HRH1: variants seen among roughly 807,000 people sequenced by gnomAD.
The protein encoded by HRH1 is histamine receptor H1.
Under a neutral mutation model 10.3 loss-of-function variants are expected in HRH1, and 6 were observed. The ratio of observed to expected loss-of-function variants is 0.58; its 90% CI spans 0.32 to 1.15. The LOEUF is 1.15. Among genes scored for constraint, HRH1 ranks in the 50% most tolerant of loss-of-function variants. HRH1 has a pLI of 0.05. For missense variants in HRH1, 514 were observed against 615.3 expected (o/e 0.84, Z 1.74); for synonymous variants, 242 against 236.7 (o/e 1.02, Z -0.21).
chr3:11,215,721 G>A (rs1416215788), intron 1 of HRH1, among the ~76,000 whole-genome samples: 5 of 152,192 alleles, frequency 3.3e-5, no homozygotes, highest in South Asian at 2.1e-4. Context: ...GATTACAGGC[G>A]TGAGCCACCG....
intron 1 of HRH1, among the ~76,000 whole-genome samples, chr3:11,186,130 A>C (rs1403087030): frequency 6.6e-6 from 1 of 152,026 alleles, no homozygotes; most frequent in Non-Finnish European, 1.5e-5. Flanking sequence ...AAGCCCTTTC[A>C]ATGCTGGGCT....
chr3:11,152,950 G>A (rs1559253501), upstream of HRH1, among the ~76,000 whole-genome samples: 1 of 152,004 alleles, frequency 6.6e-6, no homozygotes, highest in Non-Finnish European at 1.5e-5. Context: ...TTATCTCAAG[G>A]CCAAAGTCTC....
intron 1 of HRH1, among the ~76,000 whole-genome samples, chr3:11,191,911 G>A (rs1041370813): frequency 7.9e-5 from 12 of 152,228 alleles, no homozygotes; most frequent in African/African-American, 2.9e-4. Flanking sequence ...TATGGGGCTG[G>A]CATGGCCCCT....
At chr3:11,162,425 G>A (rs952756465) in intron 1 of HRH1, among the ~76,000 whole-genome samples, 1 of 149,544 alleles carries the variant, frequency 6.7e-6, no homozygotes, top group Non-Finnish European at 1.5e-5. Context: ...GGACCAGCAG[G>A]GTATGGGAGA....
chr3:11,213,065 A>G (rs1187880443), intron 1 of HRH1, among the ~76,000 whole-genome samples: 5 of 152,136 alleles, frequency 3.3e-5, no homozygotes, highest in African/African-American at 1.2e-4. Context: ...TAAACAGCAG[A>G]CCCACTTCAG....
At chr3:11,203,592 G>GC (rs1938011390) in intron 1 of HRH1, among the ~76,000 whole-genome samples, 1 of 152,152 alleles carries the variant, frequency 6.6e-6, no homozygotes, top group African/African-American at 2.4e-5. Flanking sequence ...AGTTGTTCCA[G>GC]CACCATTTGC....
intron 1 of HRH1, among the ~76,000 whole-genome samples, chr3:11,149,095 A>G (rs979190218): frequency 6.6e-6 from 1 of 152,162 alleles, no homozygotes; most frequent in African/African-American, 2.4e-5. Context: ...GGCCTCCGCA[A>G]ATTGTTCAAC....
At chr3:11,223,409 G>A (rs1472253798) in intron 1 of HRH1, among the ~76,000 whole-genome samples, 1 of 152,022 alleles carries the variant, frequency 6.6e-6, no homozygotes, top group African/African-American at 2.4e-5. Context: ...TGAGGCAGGA[G>A]CATGGTGTGA....
intron 1 of HRH1, among the ~76,000 whole-genome samples, chr3:11,216,533 T>C (rs1331750567): frequency 6.6e-6 from 1 of 152,172 alleles, no homozygotes; most frequent in Non-Finnish European, 1.5e-5. Flanking sequence ...AAAGGGCACG[T>C]AGTATATGAA....
chr3:11,242,555 A>G (rs1559283246), intron 1 of HRH1, among the ~76,000 whole-genome samples: 2 of 148,946 alleles, frequency 1.3e-5, no homozygotes. Context: ...TCTTGAAGTC[A>G]GCGACACCAG....
chr3:11,219,635 C>A (rs888940281), intron 1 of HRH1, among the ~76,000 whole-genome samples: 35 of 147,976 alleles, frequency 2.4e-4, no homozygotes, highest in African/African-American at 8.1e-4. Flanking sequence ...ATCGCTTGGA[C>A]CCGGGAGGTG....
At chr3:11,147,996 A>T (rs1023648029) in intron 1 of HRH1, among the ~76,000 whole-genome samples, 1 of 152,160 alleles carries the variant, frequency 6.6e-6, no homozygotes, top group African/African-American at 2.4e-5. Flanking sequence ...CCTGGCCAAC[A>T]TGGTGAAACT....
intron 1 of HRH1, among the ~76,000 whole-genome samples, chr3:11,241,378 A>C (rs1332466007): frequency 6.6e-6 from 1 of 152,234 alleles, no homozygotes; most frequent in African/African-American, 2.4e-5. Context: ...TCTATTCTGT[A>C]GCCACTGAGA....
intron 1 of HRH1, among the ~76,000 whole-genome samples, chr3:11,173,005 G>A (rs997264317): frequency 2.6e-5 from 4 of 152,110 alleles, no homozygotes; most frequent in African/African-American, 9.7e-5. Context: ...CCAGCTTTTG[G>A]CGAACCTTCT....
intron 1 of HRH1, among the ~76,000 whole-genome samples, chr3:11,205,674 T>C (rs548997021): frequency 6.6e-6 from 1 of 151,966 alleles, no homozygotes; most frequent in South Asian, 2.1e-4. Flanking sequence ...TTCTTTTTTT[T>C]TTTTTTTGAG....
At chr3:11,202,920 TG>T (rs1449408850) in intron 1 of HRH1, among the ~76,000 whole-genome samples, 7 of 152,212 alleles carry the variant, frequency 4.6e-5, no homozygotes, top group Non-Finnish European at 1.0e-4. Context: ...TCCCTTCCCC[TG>T]CCCAAATCCT....
At chr3:11,137,510 G>T (rs1009175416) in intron 1 of HRH1, 1 of 153,236 alleles carries the variant, frequency 6.5e-6, no homozygotes, top group African/African-American at 2.4e-5. Context: ...GAGTCACCAG[G>T]GACTGAGGTG....
intron 1 of HRH1, among the ~76,000 whole-genome samples, chr3:11,245,444 A>G (rs1408908441): frequency 1.3e-5 from 2 of 152,120 alleles, no homozygotes; most frequent in African/African-American, 4.8e-5. Flanking sequence ...CTTGAGTAAG[A>G]TGCTTCACCT....
chr3:11,219,218 G>A (rs1302611442), intron 1 of HRH1, among the ~76,000 whole-genome samples: 2 of 152,060 alleles, frequency 1.3e-5, no homozygotes, highest in African/African-American at 4.8e-5. Context: ...ATATTGCCAT[G>A]TCTAAATACC....
Sources: gnomAD v4.1 joint callset for allele counts (sites outside exome capture counted in the v4.1 genomes callset) on GRCh38, gnomAD v4.1.1 for gene constraint, MANE v1.5 for transcripts, NCBI Gene and HGNC (gene_info 2026-07-23, HGNC 2026-07-21) for gene names.